Variants in TMC1 observed in about 807,000 individuals in gnomAD.
The protein encoded by TMC1 is transmembrane channel like 1, also known as transmembrane channel-like protein 1.
TMC1 carries 84 observed loss-of-function variants against 105.8 expected under a neutral mutation model. That is an observed-to-expected ratio of 0.79 (90% CI 0.67 to 0.95). The LOEUF is 0.95. Ranked by LOEUF, TMC1 falls within the 40% of genes least tolerant of loss-of-function variation. The probability of loss-of-function intolerance (pLI) is 0.00; values close to 1 mark genes in which losing one functional copy is unlikely to be tolerated. For synonymous variants in TMC1, 315 were observed against 311.5 expected, an observed-to-expected ratio of 1.01 and a Z score of -0.12; for missense variants, 817 against 914.1, an observed-to-expected ratio of 0.89 and a Z score of 1.37.
chr9:72,834,981 T>A (rs1040832639), intron 23 of TMC1, among the ~76,000 whole-genome samples: 1 of 152,310 alleles, frequency 6.6e-6, no homozygotes, highest in Non-Finnish European at 1.5e-5. Context: ...TAAATTATGT[T>A]GCTTACTGTC....
At chr9:72,752,364 A>T (rs1332409871) in intron 11 of TMC1, among the ~76,000 whole-genome samples, 2 of 151,968 alleles carry the variant, frequency 1.3e-5, no homozygotes, top group Admixed American at 6.6e-5. Flanking sequence ...CCTTAATGCA[A>T]CTCAAAGCCT....
rs573307858 is a variant in TMC1, at chr9:72,730,597, A to G, written c.363-9522A>G. Among the ~76,000 whole-genome samples the G allele has an allele frequency of 3.3e-5, 5 of 152,342 alleles. No homozygotes were observed. The East Asian group carries it at 9.6e-4, about 29-fold the overall frequency. The stretch of plus-strand genomic sequence containing the variant: ...CCCAACCTTTCTGATACCAGGGACC[A>G]GTGTCATGGATGACAATTTTTCCAT... On this transcript the variant is annotated intron_variant, in intron 8 of 23. Coordinates refer to ENST00000297784, the MANE Select transcript of TMC1 (RefSeq NM_138691.3).
intron 8 of TMC1, among the ~76,000 whole-genome samples, chr9:72,712,108 G>A (rs575759518): frequency 1.3e-5 from 2 of 152,206 alleles, no homozygotes; most frequent in South Asian, 2.1e-4. Flanking sequence ...TGAGGCCTCT[G>A]TTCTGTTCCA....
At chr9:72,628,686 T>C (rs1825395282) in intron 4 of TMC1, among the ~76,000 whole-genome samples, 4 of 152,230 alleles carry the variant, frequency 2.6e-5, no homozygotes, top group Admixed American at 1.3e-4. Context: ...TTTATAGTAA[T>C]TTCAGGTCTC....
At chr9:72,624,049 A>G (rs1587996015) in intron 3 of TMC1, among the ~76,000 whole-genome samples, 1 of 152,266 alleles carries the variant, frequency 6.6e-6, no homozygotes, top group Middle Eastern at 3.4e-3. Flanking sequence ...TCCAAGACAG[A>G]TGGTTCCGAT....
intron 8 of TMC1, among the ~76,000 whole-genome samples, chr9:72,718,882 G>C (rs1488457732): frequency 6.6e-6 from 1 of 152,136 alleles, no homozygotes; most frequent in Admixed American, 6.5e-5. Flanking sequence ...GGCTTGCTGT[G>C]GCTGCTGTGG....
chr9:72,777,608 T>C (rs1013187977), intron 13 of TMC1, among the ~76,000 whole-genome samples: 6 of 152,196 alleles, frequency 3.9e-5, no homozygotes, highest in African/African-American at 1.2e-4. Flanking sequence ...CAACGAGGTA[T>C]GAAAGACATG....
intron 20 of TMC1, among the ~76,000 whole-genome samples, chr9:72,825,004 C>G (rs1291691200): frequency 6.6e-6 from 1 of 152,190 alleles, no homozygotes; most frequent in Non-Finnish European, 1.5e-5. Flanking sequence ...TATTGTGAGA[C>G]TGCTATTATA....
chr9:72,642,305 C>A (rs762299159), intron 4 of TMC1, among the ~76,000 whole-genome samples: 8 of 152,144 alleles, frequency 5.3e-5, no homozygotes, highest in Non-Finnish European at 1.0e-4. Flanking sequence ...CCCCAGTGGT[C>A]CCTATGCCTC....
Position 72,772,460 on chromosome 9 carries a change from A to G in TMC1, c.789A>G (p.Lys263=). ...TCTTTTATGGCTATTATGACAATAA[A>G]CGAACAATTGGATGGATGAATTTCA... The part of the protein sequence containing the change: ...SVLFYGYYDN[K]RTIGWMNFRL... Residue 263 remains lysine (K), a synonymous_variant, in exon 13 of 24, where the codon AAA becomes AAG. Coordinates refer to ENST00000297784, the MANE Select transcript of TMC1 (RefSeq NM_138691.3). 6.2e-7 allele frequency: 1 copy of G among 1,613,968 alleles called. No individual in the cohort carries two copies. The highest frequency in any genetic ancestry group is 1.1e-5 in the South Asian group (1 of 91,078).
intron 7 of TMC1, among the ~76,000 whole-genome samples, chr9:72,695,535 A>G (rs1321148726): frequency 7.0e-6 from 1 of 142,330 alleles, no homozygotes; most frequent in Non-Finnish European, 1.5e-5. Context: ...CTCACAGGTA[A>G]TAGGGCCATG....
intron 6 of TMC1, among the ~76,000 whole-genome samples, chr9:72,689,350 G>A (rs1461570855): frequency 6.6e-6 from 1 of 152,112 alleles, no homozygotes; most frequent in Non-Finnish European, 1.5e-5. Flanking sequence ...TACACAGACA[G>A]GGCAGAGGGA....
chr9:72,647,667 T>C (rs1161303347), intron 4 of TMC1, among the ~76,000 whole-genome samples: 1 of 152,182 alleles, frequency 6.6e-6, no homozygotes, highest in Non-Finnish European at 1.5e-5. Flanking sequence ...GTGTGCTCCA[T>C]ACTGCCTTGG....
intron 23 of TMC1, 62 bp from the exon 24 acceptor site, chr9:72,835,889 T>C: frequency 6.4e-7 from 1 of 1,567,936 alleles, no homozygotes; most frequent in Non-Finnish European, 8.6e-7. Context: ...ATTTGCCTCC[T>C]GTTCATCTTC....
chr9:72,664,213 T>G (rs1449296884), intron 5 of TMC1, among the ~76,000 whole-genome samples: 1 of 152,236 alleles, frequency 6.6e-6, no homozygotes, highest in Admixed American at 6.5e-5. Context: ...TCAAGTATTA[T>G]GTACTATACC....
intron 8 of TMC1, among the ~76,000 whole-genome samples, chr9:72,735,135 A>T (rs1226210104): frequency 6.6e-6 from 1 of 152,220 alleles, no homozygotes; most frequent in Non-Finnish European, 1.5e-5. Context: ...TCAATTATTT[A>T]TCAATGAGTC....
At chr9:72,523,548 T>C (rs1160993163) in intron 1 of TMC1, among the ~76,000 whole-genome samples, 1 of 152,166 alleles carries the variant, frequency 6.6e-6, no homozygotes, top group Non-Finnish European at 1.5e-5. Context: ...AGAAAAAATA[T>C]ATTTACTGTT....
intron 22 of TMC1, 37 bp from the exon 23 acceptor site, chr9:72,830,594 G>A: frequency 1.2e-6 from 2 of 1,610,146 alleles, no homozygotes; most frequent in South Asian, 2.2e-5. Flanking sequence ...AAAACACTGA[G>A]AAATCTACTT....
chr9:72,639,467 A>T (rs1460717935), intron 4 of TMC1, among the ~76,000 whole-genome samples: 1 of 152,106 alleles, frequency 6.6e-6, no homozygotes, highest in Non-Finnish European at 1.5e-5. Flanking sequence ...ATTTTTTAGA[A>T]ACCTAATTAT....
Sources: gnomAD v4.1 joint callset for allele counts (sites outside exome capture counted in the v4.1 genomes callset) on GRCh38, gnomAD v4.1.1 for gene constraint, MANE v1.5 for transcripts, NCBI Gene and HGNC (gene_info 2026-07-23, HGNC 2026-07-21) for gene names.